DENND1A: variants seen among roughly 807,000 people sequenced by gnomAD.
The protein encoded by DENND1A is DENN domain containing 1A, also known as DENN domain-containing protein 1A.
Under a neutral mutation model 113.7 loss-of-function variants are expected in DENND1A, and 51 were observed. The ratio of observed to expected loss-of-function variants is 0.45; its 90% CI spans 0.36 to 0.57. The LOEUF (loss-of-function observed/expected upper bound fraction) is 0.57, where lower values mean the gene tolerates loss of function less well. Among genes scored for constraint, DENND1A ranks in the 20% least tolerant of loss-of-function variants. The probability of loss-of-function intolerance (pLI) is 0.00; values close to 1 mark genes in which losing one functional copy is unlikely to be tolerated. For synonymous variants in DENND1A, 565 were observed against 570.8 expected, an observed-to-expected ratio of 0.99 and a Z score of 0.14; for missense variants, 1,258 against 1,395.9, an observed-to-expected ratio of 0.90 and a Z score of 1.57.
chr9:123,754,404 A>G (rs2070346375), intron 5 of DENND1A, among the ~76,000 whole-genome samples: 1 of 152,136 alleles, frequency 6.6e-6, no homozygotes, highest in Non-Finnish European at 1.5e-5. Flanking sequence ...TTATTTCCAC[A>G]CAAGCTGGAA....
intron 5 of DENND1A, among the ~76,000 whole-genome samples, chr9:123,684,892 T>C (rs2064711705): frequency 6.6e-6 from 1 of 152,136 alleles, no homozygotes. Flanking sequence ...TGGCAGATAA[T>C]GTCAGCAGCA....
chr9:123,676,705 T>TA lies in DENND1A; in HGVS notation c.372+14dup. Reference sequence around the variant, plus strand: ...GCTTATTTGTTTAAAAGAATTATTTTAAAAAGGTAAATACCTGTCTTTTTG... The same window carrying TA: ...GCTTATTTGTTTAAAAGAATTATTTTAAAAAAGGTAAATACCTGTCTTTTTG... On this transcript the variant is annotated intron_variant, in intron 6 of 23. Coordinates refer to ENST00000394215, the MANE Select transcript of DENND1A (RefSeq NM_001352964.2). The TA allele has an allele frequency of 6.2e-7, 1 of 1,610,286 alleles. No individual in the cohort carries two copies. The highest frequency in any genetic ancestry group is 8.5e-7 in the Non-Finnish European group (1 of 1,177,488).
chr9:123,917,420 C>A (rs921683187), intron 1 of DENND1A, among the ~76,000 whole-genome samples: 2 of 152,068 alleles, frequency 1.3e-5, no homozygotes, highest in South Asian at 4.2e-4. Context: ...CTAGGTATTG[C>A]GGGATAAAGC....
intron 1 of DENND1A, among the ~76,000 whole-genome samples, chr9:123,904,273 C>A (rs1324475501): frequency 5.9e-5 from 9 of 151,864 alleles, no homozygotes; most frequent in Admixed American, 6.6e-5. Context: ...GGGGAAAAAA[C>A]AGAACAGAAA....
At chr9:123,515,984 G>A (rs970295710) in intron 13 of DENND1A, among the ~76,000 whole-genome samples, 2 of 151,956 alleles carry the variant, frequency 1.3e-5, no homozygotes, top group Admixed American at 6.6e-5. Flanking sequence ...GGAGGTGGGA[G>A]GATCACCTGA....
intron 11 of DENND1A, among the ~76,000 whole-genome samples, chr9:123,600,990 T>C (rs903079161): frequency 6.6e-6 from 1 of 152,230 alleles, no homozygotes; most frequent in Non-Finnish European, 1.5e-5. Flanking sequence ...ATTTGACTCA[T>C]TCAGGCTTCT....
intron 9 of DENND1A, among the ~76,000 whole-genome samples, chr9:123,635,771 T>C (rs529808386): frequency 7.2e-5 from 11 of 152,344 alleles, no homozygotes; most frequent in Non-Finnish European, 1.5e-4. Flanking sequence ...TTACATTCCT[T>C]TTTGAGTACA....
At chr9:123,473,175 A>T (rs1435306306) in intron 13 of DENND1A, among the ~76,000 whole-genome samples, 1 of 152,206 alleles carries the variant, frequency 6.6e-6, no homozygotes, top group African/African-American at 2.4e-5. Context: ...TGCTTGTTGC[A>T]TGAATTATTC....
chr9:123,657,490 T>C (rs1199038531), intron 8 of DENND1A, among the ~76,000 whole-genome samples: 1 of 152,132 alleles, frequency 6.6e-6, no homozygotes, highest in African/African-American at 2.4e-5. Context: ...CTTAGGGAAA[T>C]GAGATAATCC....
At chr9:123,471,801 G>T (rs1263395622) in intron 13 of DENND1A, among the ~76,000 whole-genome samples, 1 of 152,164 alleles carries the variant, frequency 6.6e-6, no homozygotes, top group Non-Finnish European at 1.5e-5. Flanking sequence ...CCCGAGCTCT[G>T]AGCACGCTCA....
intron 2 of DENND1A, among the ~76,000 whole-genome samples, chr9:123,839,521 CGACA>C (rs745870838): frequency 5.1e-4 from 78 of 152,296 alleles, no homozygotes; most frequent in Non-Finnish European, 1.0e-3. Context: ...ACAGTTTCCG[CGACA>C]GACAGGCCAA....
intron 3 of DENND1A, among the ~76,000 whole-genome samples, chr9:123,789,984 TG>T (rs1416812025): frequency 2.5e-5 from 2 of 80,968 alleles, no homozygotes; most frequent in Non-Finnish European, 5.0e-5. Flanking sequence ...AGGGGGAATT[TG>T]TGTGTGTGTG....
chr9:123,575,430 C>A (rs527249051), intron 12 of DENND1A, among the ~76,000 whole-genome samples: 8 of 152,226 alleles, frequency 5.3e-5, no homozygotes, highest in South Asian at 4.1e-4. Flanking sequence ...GGTTGGAGAC[C>A]CCTGTTGCAG....
intron 13 of DENND1A, among the ~76,000 whole-genome samples, chr9:123,501,010 A>G (rs1436590011): frequency 1.3e-5 from 2 of 152,230 alleles, no homozygotes; most frequent in Non-Finnish European, 2.9e-5. Context: ...ATGCATTCAT[A>G]CTATTGTGTA....
rs1216224983 is a variant in DENND1A at position 123,380,761 on chromosome 9, GTGGCTGGGGCTGTGTATCACAAGGC to G, written c.*646_*670del. Reference sequence around the variant, plus strand: ...CTGGTGCTCGCAGCCCCCGTGCAGGGTGGCTGGGGCTGTGTATCACAAGGCAGCCCAAGACCCCCTGGTCCCCAGA... The same window carrying G: ...CTGGTGCTCGCAGCCCCCGTGCAGGGAGCCCAAGACCCCCTGGTCCCCAGA... On this transcript the variant is annotated 3_prime_UTR_variant, in exon 24 of 24. Transcript: ENST00000394215. The G allele has an allele frequency of 6.5e-6, 1 of 152,722 alleles. No homozygotes were observed. The highest frequency in any genetic ancestry group is 1.9e-4 in the East Asian group (1 of 5,186). The allele number at this position is 152,722 out of a possible 1,614,324, so 9.5% of individuals were successfully genotyped here. A position where few individuals can be genotyped will look rare whatever the true frequency, so the allele number is the denominator to read the frequency against.
At chr9:123,881,761 T>A (rs1184470289) in intron 1 of DENND1A, among the ~76,000 whole-genome samples, 2 of 152,214 alleles carry the variant, frequency 1.3e-5, no homozygotes, top group Non-Finnish European at 2.9e-5. Context: ...ATGTATATAC[T>A]CATTGTTTCT....
chr9:123,671,591 A>C (rs2063767601), intron 6 of DENND1A, among the ~76,000 whole-genome samples: 1 of 152,142 alleles, frequency 6.6e-6, no homozygotes, highest in African/African-American at 2.4e-5. Flanking sequence ...GACATTTTCT[A>C]CTCAGTGAGA....
chr9:123,558,843 A>T (rs2057573635), intron 12 of DENND1A, among the ~76,000 whole-genome samples: 1 of 152,126 alleles, frequency 6.6e-6, no homozygotes, highest in South Asian at 2.1e-4. Context: ...TTATCCATTC[A>T]CTCAGCAAAT....
At chr9:123,519,586 T>C (rs2054224214) in intron 13 of DENND1A, among the ~76,000 whole-genome samples, 1 of 152,166 alleles carries the variant, frequency 6.6e-6, no homozygotes, top group African/African-American at 2.4e-5. Flanking sequence ...TACAGGCTAA[T>C]TTTTATATTT....
Sources: allele counts gnomAD v4.1 joint callset (sites outside exome capture counted in the v4.1 genomes callset), GRCh38; gene constraint gnomAD v4.1.1; transcripts MANE v1.5; gene names NCBI Gene and HGNC (gene_info 2026-07-23, HGNC 2026-07-21).